SNX25: variants seen among roughly 807,000 people sequenced by gnomAD.
SNX25 encodes the protein sorting nexin 25, also known as sorting nexin-25.
In SNX25, 62 loss-of-function variants were observed where a neutral mutation model predicts 113.7. The ratio of observed to expected loss-of-function variants is 0.55; its 90% CI spans 0.44 to 0.67. SNX25 has a LOEUF of 0.67. SNX25 is among the 30% of genes least tolerant of loss of function. SNX25 has a pLI of 0.00. For synonymous variants in SNX25, 421 were observed against 436.2 expected (o/e 0.97, Z 0.43); for missense variants, 1,014 against 1,161.0 (o/e 0.87, Z 1.84).
intron 5 of SNX25, among the ~76,000 whole-genome samples, chr4:185,277,331 C>T (rs984276378): frequency 2.0e-5 from 3 of 151,988 alleles, no homozygotes; most frequent in Non-Finnish European, 2.9e-5. Flanking sequence ...GCCATCTTCT[C>T]CTTTAAAAAA....
intron 5 of SNX25, among the ~76,000 whole-genome samples, chr4:185,286,487 A>G (rs1346003027): frequency 6.6e-6 from 1 of 152,234 alleles, no homozygotes; most frequent in Non-Finnish European, 1.5e-5. Context: ...TTTACACAGA[A>G]AAATGAGGGA....
downstream of SNX25, among the ~76,000 whole-genome samples, chr4:185,371,286 T>C (rs7685497): frequency 3.2e-4 from 48 of 152,158 alleles, no homozygotes; most frequent in African/African-American, 9.6e-4. Flanking sequence ...ACGCCTGTAA[T>C]CCCAGCACTT....
At chr4:185,377,032 G>A in the SNX25 span, 15 of 1,548,266 alleles carry the variant, frequency 9.7e-6, no homozygotes, top group African/African-American at 1.8e-4. Context: ...ATTTTAAAAA[G>A]GTAAGGAATT....
At chr4:185,240,496 G>A (rs1478560613) in intron 1 of SNX25, among the ~76,000 whole-genome samples, 31 of 147,938 alleles carry the variant, frequency 2.1e-4, no homozygotes, top group East Asian at 6.3e-4. Context: ...CTCACCTCCC[G>A]GATGGGGCGG....
chr4:185,315,564 G>T (rs1210021952), intron 7 of SNX25, among the ~76,000 whole-genome samples: 1 of 152,084 alleles, frequency 6.6e-6, no homozygotes, highest in Non-Finnish European at 1.5e-5. Context: ...AAAGTGCTGG[G>T]ATTACAGGCA....
At position 185,283,046 on chromosome 4, in the gene SNX25, A is replaced by G. The variant is rs534050528; in HGVS notation, c.1092-4966A>G. ...TCCTCTCGGTATCCAGTAACAGTGA[A>G]TTAAACAAATTCAGTAATCATCTTC... On this transcript the variant is annotated intron_variant, in intron 5 of 18. Transcript: ENST00000652585. Among the ~76,000 whole-genome samples the G allele has an allele frequency of 2.6e-5, 4 of 152,346 alleles. No individual in the cohort carries two copies. The Middle Eastern group carries it at 0.01, about 389-fold the overall frequency.
intron 1 of SNX25, among the ~76,000 whole-genome samples, chr4:185,240,975 A>G (rs1176552598): frequency 4.2e-5 from 6 of 141,532 alleles, no homozygotes; most frequent in East Asian, 2.2e-4. Flanking sequence ...CCGGGCAGAG[A>G]CGCTCCTCAC....
intron 6 of SNX25, among the ~76,000 whole-genome samples, chr4:185,288,510 T>C (rs1751669505): frequency 6.6e-6 from 1 of 151,516 alleles, no homozygotes; most frequent in Non-Finnish European, 1.5e-5. Flanking sequence ...TTTTTTAAGC[T>C]TTTTTTTAAG....
At chr4:185,254,303 A>G (rs975438207) in intron 2 of SNX25, among the ~76,000 whole-genome samples, 3 of 152,176 alleles carry the variant, frequency 2.0e-5, no homozygotes, top group South Asian at 4.1e-4. Flanking sequence ...ACAAACCATA[A>G]AAGACCATCT....
chr4:185,347,989 T>C (rs1228823171), intron 13 of SNX25, among the ~76,000 whole-genome samples: 1 of 152,226 alleles, frequency 6.6e-6, no homozygotes, highest in African/African-American at 2.4e-5. Flanking sequence ...ATCTTATGGT[T>C]AATGCCTTTT....
intron 1 of SNX25, among the ~76,000 whole-genome samples, chr4:185,235,815 C>G (rs1017363531): frequency 7.2e-5 from 11 of 152,228 alleles, no homozygotes; most frequent in Non-Finnish European, 1.5e-4. Context: ...GGGAGGATTG[C>G]TTGAGCCCTG....
chr4:185,342,320 T>G (rs941947292), intron 12 of SNX25, among the ~76,000 whole-genome samples: 12 of 152,242 alleles, frequency 7.9e-5, no homozygotes, highest in Admixed American at 2.6e-4. Flanking sequence ...GGTCTGATTT[T>G]CATTGTAAAT....
intron 5 of SNX25, among the ~76,000 whole-genome samples, chr4:185,270,548 A>T (rs1407817890): frequency 6.6e-6 from 1 of 152,248 alleles, no homozygotes; most frequent in Non-Finnish European, 1.5e-5. Flanking sequence ...CACGTACCAT[A>T]GAATTCACCA....
At chr4:185,298,506 C>T (rs1484461859) in intron 6 of SNX25, among the ~76,000 whole-genome samples, 3 of 151,796 alleles carry the variant, frequency 2.0e-5, no homozygotes, top group Admixed American at 1.3e-4. Context: ...GCTTATGTCA[C>T]CTTTGTATTT....
intron 6 of SNX25, among the ~76,000 whole-genome samples, chr4:185,309,557 G>C (rs1579727906): frequency 6.6e-6 from 1 of 152,030 alleles, no homozygotes; most frequent in Non-Finnish European, 1.5e-5. Flanking sequence ...CATCCCTCTG[G>C]CTTCTCATGT....
chr4:185,305,195 T>G (rs1754289666), intron 6 of SNX25, among the ~76,000 whole-genome samples: 1 of 152,086 alleles, frequency 6.6e-6, no homozygotes, highest in Non-Finnish European at 1.5e-5. Context: ...TGGTAGAGGC[T>G]AGGCATGCTG....
intron 13 of SNX25, among the ~76,000 whole-genome samples, 192 bp downstream of exon 13, chr4:185,346,842 C>T (rs2126733632): frequency 6.6e-6 from 1 of 152,206 alleles, no homozygotes; most frequent in Middle Eastern, 3.4e-3. Context: ...GTATAACTGT[C>T]TCCGTTTCAC....
chr4:185,369,998 T>C (rs2095409732), exon 12 of SNX25: 1 of 213,002 alleles, frequency 4.7e-6, no homozygotes, highest in Non-Finnish European at 9.7e-6. Flanking sequence ...CTCGTGGATG[T>C]GATGGACCTA....
At chr4:185,247,461 T>A in intron 2 of SNX25, 83 bp downstream of exon 2, 1 of 1,067,078 alleles carries the variant, frequency 9.4e-7, no homozygotes, top group South Asian at 1.3e-5. Flanking sequence ...TCCAGCAAAT[T>A]TATTCTTCTT....
Sources: allele counts gnomAD v4.1 joint callset (sites outside exome capture counted in the v4.1 genomes callset), GRCh38; gene constraint gnomAD v4.1.1; transcripts MANE v1.5; gene names NCBI Gene and HGNC (gene_info 2026-07-23, HGNC 2026-07-21).